The following NAV3 variants were observed in gnomAD, a reference collection of about 807,000 sequenced individuals.
NAV3 encodes the protein pore membrane and/or filament interacting like protein 1.
NAV3 carries 87 observed loss-of-function variants against 244.7 expected under a neutral mutation model. The ratio of observed to expected loss-of-function variants is 0.36; its 90% CI spans 0.30 to 0.42. The LOEUF (loss-of-function observed/expected upper bound fraction) is 0.42. Among genes scored for constraint, NAV3 ranks in the 20% least tolerant of loss-of-function variants. The pLI, the probability that NAV3 is intolerant of heterozygous loss-of-function variation, is 1.00. For missense variants in NAV3, 2,663 were observed against 2,893.3 expected (o/e 0.92, Z 1.83); for synonymous variants, 1,126 against 1,042.2 (o/e 1.08, Z -1.55).
chr12:78,062,835 T>C (rs1884504008), intron 12 of NAV3, among the ~76,000 whole-genome samples: 1 of 152,044 alleles, frequency 6.6e-6, no homozygotes, highest in Non-Finnish European at 1.5e-5. Flanking sequence ...TTATAGTAAA[T>C]GGGTAAATGA....
intron 2 of NAV3, among the ~76,000 whole-genome samples, chr12:77,644,300 G>A (rs192267750): frequency 1.1e-3 from 160 of 152,160 alleles, no homozygotes; most frequent in African/African-American, 3.7e-3. Context: ...GGTATCTAAG[G>A]TGGCAAGAGG....
intron 14 of NAV3, among the ~76,000 whole-genome samples, chr12:78,118,822 C>T (rs186379138): frequency 6.6e-6 from 1 of 152,058 alleles, no homozygotes; most frequent in East Asian, 1.9e-4. Flanking sequence ...AAAGACTCTC[C>T]CCGTATTTTT....
At chr12:77,754,760 C>A (rs1266976099) in intron 2 of NAV3, among the ~76,000 whole-genome samples, 1 of 152,178 alleles carries the variant, frequency 6.6e-6, no homozygotes, top group Admixed American at 6.6e-5. Context: ...TTATGCGAAA[C>A]TTTGCCTGGA....
chr12:77,982,767 C>T (rs1178987681), intron 5 of NAV3, among the ~76,000 whole-genome samples: 4 of 152,064 alleles, frequency 2.6e-5, no homozygotes, highest in South Asian at 2.1e-4. Context: ...GATGGAATGG[C>T]GGGGATGTCA....
chr12:78,080,758 GCT>G (rs1322423650), intron 12 of NAV3, among the ~76,000 whole-genome samples: 1 of 152,202 alleles, frequency 6.6e-6, no homozygotes, highest in African/African-American at 2.4e-5. Context: ...CCTATTTGAT[GCT>G]CTGTTTTGTG....
chr12:77,707,881 T>C (rs1335896728), intron 2 of NAV3, among the ~76,000 whole-genome samples: 1 of 152,240 alleles, frequency 6.6e-6, no homozygotes, highest in African/African-American at 2.4e-5. Context: ...TGTCTGTTCA[T>C]ACCCTTTGCT....
chr12:77,830,511 A>G (rs1430372415), upstream of NAV3, among the ~76,000 whole-genome samples: 2 of 152,236 alleles, frequency 1.3e-5, no homozygotes, highest in Non-Finnish European at 2.9e-5. Flanking sequence ...TTAGCTTTGA[A>G]TGTTTTTATA....
At chr12:78,011,060 T>C (rs1875187445) in intron 8 of NAV3, among the ~76,000 whole-genome samples, 1 of 152,170 alleles carries the variant, frequency 6.6e-6, no homozygotes, top group South Asian at 2.1e-4. Context: ...CTGTTATTCT[T>C]ATTCATTTAT....
intron 22 of NAV3, among the ~76,000 whole-genome samples, chr12:78,156,553 G>A (rs891240820): frequency 6.6e-6 from 1 of 151,932 alleles, no homozygotes; most frequent in Non-Finnish European, 1.5e-5. Context: ...ATACACAAAG[G>A]GTAAAGGAGA....
intron 2 of NAV3, among the ~76,000 whole-genome samples, chr12:77,676,974 G>A (rs1874236038): frequency 6.6e-6 from 1 of 152,166 alleles, no homozygotes; most frequent in African/African-American, 2.4e-5. Context: ...ACTCTAGATA[G>A]ACATGATAAT....
At chr12:78,059,180 C>G (rs1379811821) in intron 12 of NAV3, 65 bp downstream of exon 12, 1 of 1,477,288 alleles carries the variant, frequency 6.8e-7, no homozygotes, top group African/African-American at 1.4e-5. Flanking sequence ...AAGAAAATAA[C>G]AGAAAACTCC....
intron 3 of NAV3, among the ~76,000 whole-genome samples, chr12:77,960,450 T>TATACACACAC (rs1195862670): frequency 2.1e-5 from 3 of 144,354 alleles, no homozygotes; most frequent in African/African-American, 7.7e-5. Flanking sequence ...TATATATATA[T>TATACACACAC]ACACACACAC....
At chr12:77,803,266 A>G (rs559163672) in intron 2 of NAV3, among the ~76,000 whole-genome samples, 38 of 152,080 alleles carry the variant, frequency 2.5e-4, no homozygotes, top group African/African-American at 8.7e-4. Context: ...TCCTAATGCT[A>G]TCCCTCTCCT....
intron 2 of NAV3, among the ~76,000 whole-genome samples, chr12:77,703,358 C>T (rs1358922130): frequency 1.3e-5 from 2 of 152,046 alleles, no homozygotes; most frequent in African/African-American, 2.4e-5. Context: ...TGTATCAGCA[C>T]TTCATTTATT....
At chr12:78,149,757 A>T (rs1325850041) in intron 22 of NAV3, among the ~76,000 whole-genome samples, 1 of 151,830 alleles carries the variant, frequency 6.6e-6, no homozygotes, top group Non-Finnish European at 1.5e-5. Context: ...CTGCTCCTCT[A>T]CTGAGTTTTT....
chr12:77,639,349 A>G lies in NAV3; in HGVS notation c.72+67083A>G, dbSNP rs546258008. Among the ~76,000 whole-genome samples the G allele has an allele frequency of 2.6e-5, 4 of 152,314 alleles. No homozygotes were observed. In the East Asian group the frequency reaches 7.7e-4, roughly 29 times the overall value. On this transcript the variant is annotated intron_variant, in intron 2 of 8. Transcript: ENST00000550042. Reference sequence around the variant, plus strand: ...ACTCTCTGCTTTTATGTAATTCATAATCTATAGTGGAACAATGAAGCAGAA... The same window carrying G: ...ACTCTCTGCTTTTATGTAATTCATAGTCTATAGTGGAACAATGAAGCAGAA...
rs193274902 is a variant in NAV3 at position 78,191,827 on chromosome 12, T to A, written c.6291+1608T>A. Among the ~76,000 whole-genome samples the A allele has an allele frequency of 2.9e-3, 444 of 152,278 alleles. 2 individuals are homozygous for A. The highest frequency in any genetic ancestry group is 0.01 in the African/African-American group (435 of 41,556). ...AAAGGTTTGAAAGGCCTCTTAGTCA[T>A]CCTCAATGTTTGTTTTTTCCTCAAT... On this transcript the variant is annotated intron_variant, in intron 34 of 39. Coordinates refer to ENST00000397909, the MANE Select transcript of NAV3 (RefSeq NM_001024383.2).
chr12:78,153,040 C>T (rs867748573), intron 22 of NAV3, among the ~76,000 whole-genome samples: 1 of 152,020 alleles, frequency 6.6e-6, no homozygotes. Flanking sequence ...CATGTACTCT[C>T]ATAGCTTACG....
chr12:78,086,252 T>C (rs944365250), intron 12 of NAV3, among the ~76,000 whole-genome samples: 1 of 152,092 alleles, frequency 6.6e-6, no homozygotes, highest in Non-Finnish European at 1.5e-5. Context: ...AATCTGCCTT[T>C]GTTTACATTT....
Sources: gnomAD v4.1 joint callset for allele counts (sites outside exome capture counted in the v4.1 genomes callset) on GRCh38, gnomAD v4.1.1 for gene constraint, MANE v1.5 for transcripts, NCBI Gene and HGNC (gene_info 2026-07-23, HGNC 2026-07-21) for gene names.